Variants in POLH observed in about 807,000 individuals in gnomAD.
The protein encoded by POLH is DNA polymerase eta transcript.
Under a neutral mutation model 73.6 loss-of-function variants are expected in POLH, and 53 were observed. The ratio of observed to expected loss-of-function variants is 0.72; its 90% confidence interval spans 0.58 to 0.91. The LOEUF is 0.91. Ranked by LOEUF, POLH falls within the 40% of genes least tolerant of loss-of-function variation. The pLI, the probability that POLH is intolerant of heterozygous loss-of-function variation, is 0.00. For synonymous variants in POLH, 292 were observed against 308.5 expected, an observed-to-expected ratio of 0.95 and a Z score of 0.56; for missense variants, 768 against 865.4, an observed-to-expected ratio of 0.89 and a Z score of 1.41.
At chr6:43,585,940 G>A (rs1355693380) in intron 3 of POLH, among the ~76,000 whole-genome samples, 1 of 150,758 alleles carries the variant, frequency 6.6e-6, no homozygotes, top group East Asian at 1.9e-4. Flanking sequence ...TGCTGCGCCC[G>A]ATCTTGCTCT....
chr6:43,616,497 G>A lies in POLH; in HGVS notation c.*1940G>A, dbSNP rs527613993. On this transcript the variant is annotated 3_prime_UTR_variant, in exon 11 of 11. Coordinates refer to ENST00000372236, the MANE Select transcript of POLH (RefSeq NM_006502.3). Reference sequence around the variant, plus strand: ...CCAGGTACTCGGGAGACTGAGGCAGGAGAATTGCTTGAACCTGGAAGGTGG... The same window carrying A: ...CCAGGTACTCGGGAGACTGAGGCAGAAGAATTGCTTGAACCTGGAAGGTGG... 4.6e-4 allele frequency among the ~76,000 whole-genome samples: 70 copies of A among 151,236 alleles called. 1 individual carries two copies. In the South Asian group the frequency reaches 0.014, roughly 30 times the overall value.
chr6:43,580,890 G>A (rs1454266859), intron 1 of POLH, among the ~76,000 whole-genome samples: 2 of 150,078 alleles, frequency 1.3e-5, no homozygotes, highest in African/African-American at 4.9e-5. Flanking sequence ...CCGGGCGGAG[G>A]GCTGACCCCC....
chr6:43,587,267 C>A lies in POLH; in HGVS notation c.273-5C>A, dbSNP rs377589569. ...GCCTGCATGAATGATCCTTATACTT[C>A]TTAGGTACCGGGAAGCCAGTGTTGA... On this transcript the variant is annotated splice_polypyrimidine_tract_variant and splice_region_variant and intron_variant, in intron 3 of 10. Transcript: ENST00000372236. The A allele has an allele frequency of 1.2e-6, 2 of 1,610,684 alleles. No homozygotes were observed. The highest frequency in any genetic ancestry group is 2.7e-5 in the African/African-American group (2 of 74,852).
intron 6 of POLH, among the ~76,000 whole-genome samples, chr6:43,603,378 G>A (rs1467832883): frequency 6.6e-6 from 1 of 151,916 alleles, no homozygotes; most frequent in African/African-American, 2.4e-5. Flanking sequence ...TGATCCACTC[G>A]CTTCTGCCTC....
chr6:43,597,794 G>T lies in POLH; in HGVS notation c.589G>T (p.Val197Leu), dbSNP rs1237197984. The T allele has an allele frequency of 5.6e-6, 9 of 1,613,814 alleles. No homozygotes were observed. The highest frequency in any genetic ancestry group is 7.6e-6 in the Non-Finnish European group (9 of 1,179,814). ...DLQLTVGAVI[V>L]EEMRAAIERE... ...GCAGCTCACCGTGGGAGCAGTGATT[G>T]TGGAGGAAATGAGAGCAGCCATAGA... The change falls in exon 5 of 11, where the codon GTG (valine) becomes TTG (leucine). Residue 197 changes from valine to leucine, a missense_variant. Coordinates refer to ENST00000372236, the MANE Select transcript of POLH (RefSeq NM_006502.3).
chr6:43,604,575 C>T, intron 7 of POLH, 40 bp from the exon 8 acceptor site: 1 of 1,601,614 alleles, frequency 6.2e-7, no homozygotes, highest in Non-Finnish European at 8.6e-7. Context: ...CAAGAATAAT[C>T]ATTTAATTTC....
At chr6:43,603,512 T>C (rs1766965280) in intron 6 of POLH, among the ~76,000 whole-genome samples, 1 of 152,128 alleles carries the variant, frequency 6.6e-6, no homozygotes, top group South Asian at 2.1e-4. Context: ...TCTTCCCGCC[T>C]TGGCCTCCCA....
intron 9 of POLH, among the ~76,000 whole-genome samples, chr6:43,607,086 T>C (rs565262949): frequency 6.6e-6 from 1 of 152,310 alleles, no homozygotes; most frequent in Non-Finnish European, 1.5e-5. Flanking sequence ...TACTTAGTCA[T>C]TTTTTGTTTG....
At chr6:43,592,115 A>G (rs1765521529) in intron 4 of POLH, among the ~76,000 whole-genome samples, 1 of 152,174 alleles carries the variant, frequency 6.6e-6, no homozygotes, top group Admixed American at 6.5e-5. Context: ...CCAGCATCTT[A>G]TTATATGTAA....
At chr6:43,594,895 A>G (rs964268136) in intron 4 of POLH, among the ~76,000 whole-genome samples, 12 of 126,364 alleles carry the variant, frequency 9.5e-5, no homozygotes, top group Non-Finnish European at 1.7e-4. Context: ...ATGGCCATAC[A>G]TGGTGGTTTA....
Position 43,597,959 on chromosome 6 carries a change from C to T in POLH, c.660+94C>T, listed in dbSNP as rs2307457. 1.5e-3 allele frequency: 1,806 copies of T among 1,167,458 alleles called. 16 individuals are homozygous for T. The African/African-American group carries it at 0.02, about 13-fold the overall frequency. The allele number at this position is 1,167,458 out of a possible 1,614,324, so 72.3% of individuals were successfully genotyped here. On this transcript the variant is annotated intron_variant, in intron 5 of 10. Transcript: ENST00000372236. ...GACATTGAAATTATTACACATAGGC[C>T]GGGTGCAGTTTCGCACGCCTATGTG...
At chr6:43,592,116 T>C (rs1459801985) in intron 4 of POLH, among the ~76,000 whole-genome samples, 1 of 152,206 alleles carries the variant, frequency 6.6e-6, no homozygotes, top group Non-Finnish European at 1.5e-5. Context: ...CAGCATCTTA[T>C]TATATGTAAT....
At position 43,616,916 on chromosome 6, in the gene POLH, G is replaced by A. The variant is rs1238394222; in HGVS notation, c.*2359G>A. 1.3e-5 allele frequency among the ~76,000 whole-genome samples: 2 copies of A among 152,226 alleles called. No homozygotes were observed. The highest frequency in any genetic ancestry group is 2.9e-5 in the Non-Finnish European group (2 of 68,042). On this transcript the variant is annotated 3_prime_UTR_variant, in exon 11 of 11. Transcript: ENST00000372236. ...AAGTCATAATCAAATCTTGCCAGGC[G>A]TGGTGGTTTATGCCTGTTATCCCAG...
Position 43,617,141 on chromosome 6 carries a change from G to T in POLH, c.*2584G>T, listed in dbSNP as rs1582331762. 6.6e-6 allele frequency among the ~76,000 whole-genome samples: 1 copy of T among 152,030 alleles called. No homozygotes were observed. Among genetic ancestry groups the T allele is most frequent in the East Asian group, 1.9e-4 (1 of 5,174 alleles). On this transcript the variant is annotated 3_prime_UTR_variant, in exon 11 of 11. Transcript: ENST00000372236. ...GGAGGCAGAGGTTGCAGTGAGCCGAGATTTCCACTGCATTCCAGCCTGGGC... is the reference window on the plus strand; with the variant it reads ...GGAGGCAGAGGTTGCAGTGAGCCGATATTTCCACTGCATTCCAGCCTGGGC...
At chr6:43,579,368 T>C (rs1763756010) in intron 1 of POLH, among the ~76,000 whole-genome samples, 2 of 152,226 alleles carry the variant, frequency 1.3e-5, no homozygotes, top group Admixed American at 1.3e-4. Context: ...CATATCTTTT[T>C]TGTCCAGTCA....
chr6:43,611,596 T>C (rs576415758), intron 10 of POLH, among the ~76,000 whole-genome samples: 44 of 152,176 alleles, frequency 2.9e-4, no homozygotes, highest in Non-Finnish European at 5.9e-4. Flanking sequence ...AAATTCACAA[T>C]AGAAATATAA....
intron 4 of POLH, among the ~76,000 whole-genome samples, chr6:43,593,023 C>T (rs1388033487): frequency 6.6e-6 from 1 of 152,078 alleles, no homozygotes; most frequent in African/African-American, 2.4e-5. Context: ...CCTGGCCTTA[C>T]AAAACAGTTT....
chr6:43,579,462 A>G (rs1003530911), intron 1 of POLH, among the ~76,000 whole-genome samples: 2 of 152,192 alleles, frequency 1.3e-5, no homozygotes, highest in African/African-American at 4.8e-5. Context: ...GAGCTGCTGG[A>G]TAGGAGCAAA....
At chr6:43,611,009 C>T (rs758048123) in intron 10 of POLH, among the ~76,000 whole-genome samples, 11 of 152,160 alleles carry the variant, frequency 7.2e-5, no homozygotes, top group African/African-American at 2.4e-5. Flanking sequence ...GGTGAATCAC[C>T]TGAGGTCTGT....
Sources: gnomAD v4.1 joint callset for allele counts (sites outside exome capture counted in the v4.1 genomes callset) on GRCh38, gnomAD v4.1.1 for gene constraint, MANE v1.5 for transcripts, NCBI Gene and HGNC (gene_info 2026-07-23, HGNC 2026-07-21) for gene names.